Variants in PM20D2 observed in about 807,000 individuals in gnomAD.
PM20D2 encodes peptidase M20 domain containing 2, also known as xaa-Arg dipeptidase.
Under a neutral mutation model 42.9 loss-of-function variants are expected in PM20D2, and 33 were observed. That is an observed-to-expected ratio of 0.77 (90% CI 0.58 to 1.03). PM20D2 has a LOEUF of 1.03. Ranked by LOEUF, PM20D2 falls within the 50% of genes least tolerant of loss-of-function variation. PM20D2 has a pLI of 0.00. For missense variants in PM20D2, 548 were observed against 557.0 expected, an observed-to-expected ratio of 0.98 and a Z score of 0.16; for synonymous variants, 250 against 228.2, an observed-to-expected ratio of 1.10 and a Z score of -0.86.
chr6:89,123,335 G>A, the PM20D2 span, among the ~76,000 whole-genome samples: 267 of 152,064 alleles, frequency 1.8e-3, 1 homozygote, highest in African/African-American at 6.2e-3. Context: ...CCATAATGAT[G>A]TACTTCTTTA....
chr6:89,144,752 A>G (rs1353234020), upstream of PM20D2, among the ~76,000 whole-genome samples: 1 of 152,228 alleles, frequency 6.6e-6, no homozygotes, highest in Non-Finnish European at 1.5e-5. Flanking sequence ...CTAACTGAGC[A>G]GGATAATATT....
the PM20D2 span, among the ~76,000 whole-genome samples, chr6:89,132,898 T>C: frequency 6.6e-6 from 1 of 150,754 alleles, no homozygotes; most frequent in African/African-American, 2.5e-5. Context: ...TTTTAATCTT[T>C]TTTTTTAATT....
chr6:89,098,394 T>C, the PM20D2 span: 1 of 627,466 alleles, frequency 1.6e-6, no homozygotes, highest in Non-Finnish European at 2.5e-6. Context: ...TAATTTGTAG[T>C]GTGGGCCCTT....
chr6:89,134,095 G>T, the PM20D2 span, among the ~76,000 whole-genome samples: 257 of 151,280 alleles, frequency 1.7e-3, 16 homozygotes, highest in African/African-American at 5.6e-3. Flanking sequence ...GTGCTGTAGA[G>T]TTGCAGCCTC....
the PM20D2 span, among the ~76,000 whole-genome samples, chr6:89,118,871 T>C: frequency 1.3e-5 from 2 of 152,238 alleles, no homozygotes; most frequent in Admixed American, 1.3e-4. Flanking sequence ...TTAAGCAAAA[T>C]TTAAATTACC....
chr6:89,139,682 C>T, the PM20D2 span, among the ~76,000 whole-genome samples: 7 of 152,014 alleles, frequency 4.6e-5, no homozygotes, highest in East Asian at 5.8e-4. Flanking sequence ...CACTCTGGCC[C>T]GCGTGGCAGA....
At chr6:89,161,967 T>C in intron 6 of PM20D2, 77 bp downstream of exon 6, 1 of 1,492,198 alleles carries the variant, frequency 6.7e-7, no homozygotes, top group Non-Finnish European at 9.3e-7. Flanking sequence ...TTTAACCTAC[T>C]ATTTCACTAC....
the PM20D2 span, among the ~76,000 whole-genome samples, chr6:89,114,812 T>G: frequency 3.3e-5 from 5 of 152,248 alleles, no homozygotes; most frequent in Admixed American, 1.3e-4. Context: ...TTTTTTAGTT[T>G]TTGAGACAGA....
At chr6:89,159,011 G>A (rs895682955) in intron 5 of PM20D2, among the ~76,000 whole-genome samples, 10 of 152,154 alleles carry the variant, frequency 6.6e-5, no homozygotes, top group Non-Finnish European at 1.0e-4. Flanking sequence ...AAAATGGGGT[G>A]TCGGTGTCAT....
intron 2 of PM20D2, among the ~76,000 whole-genome samples, chr6:89,150,307 T>C (rs908171117): frequency 2.6e-5 from 4 of 152,230 alleles, no homozygotes; most frequent in Non-Finnish European, 4.4e-5. Flanking sequence ...GAACTTTGGT[T>C]TCAAGGGTGG....
chr6:89,157,872 TG>T (rs531080947), intron 4 of PM20D2, among the ~76,000 whole-genome samples: 1,619 of 152,294 alleles, frequency 0.011, 24 homozygotes, highest in African/African-American at 0.037. Context: ...CTGGGCTTGG[TG>T]GCAGGCGCCT....
chr6:89,123,297 C>A, the PM20D2 span, among the ~76,000 whole-genome samples: 1 of 152,146 alleles, frequency 6.6e-6, no homozygotes, highest in Admixed American at 6.6e-5. Flanking sequence ...AAACTTAAGT[C>A]GTTTTCATCC....
At chr6:89,119,447 A>G in the PM20D2 span, among the ~76,000 whole-genome samples, 3 of 152,208 alleles carry the variant, frequency 2.0e-5, no homozygotes, top group African/African-American at 4.8e-5. Flanking sequence ...TTGAGGCAAT[A>G]TAGTAAATGA....
chr6:89,148,984 A>AT (rs200473144), intron 1 of PM20D2, among the ~76,000 whole-genome samples: 87 of 151,738 alleles, frequency 5.7e-4, no homozygotes, highest in East Asian at 1.4e-3. Flanking sequence ...AACTTGTAGT[A>AT]TTTTTTTTTA....
the PM20D2 span, among the ~76,000 whole-genome samples, chr6:89,129,522 A>G: frequency 6.6e-6 from 1 of 151,778 alleles, no homozygotes; most frequent in Non-Finnish European, 1.5e-5. Context: ...TAAATTACTC[A>G]GTTTCAGGTA....
the PM20D2 span, among the ~76,000 whole-genome samples, chr6:89,120,594 G>T: frequency 2.6e-5 from 4 of 152,182 alleles, 1 homozygote; most frequent in Admixed American, 2.6e-4. Context: ...GCCAGGCGTG[G>T]TGACTCATGC....
At chr6:89,126,629 C>T in the PM20D2 span, among the ~76,000 whole-genome samples, 1 of 146,214 alleles carries the variant, frequency 6.8e-6, no homozygotes, top group African/African-American at 2.6e-5. Context: ...GAGATTGCGC[C>T]ACTGCACTCC....
At chr6:89,155,841 A>T (rs1771029730) in intron 4 of PM20D2, among the ~76,000 whole-genome samples, 1 of 150,552 alleles carries the variant, frequency 6.6e-6, no homozygotes, top group African/African-American at 2.4e-5. Flanking sequence ...CCTTCCAAGT[A>T]GCTGGGACTA....
At chr6:89,133,305 A>C in the PM20D2 span, among the ~76,000 whole-genome samples, 1 of 151,256 alleles carries the variant, frequency 6.6e-6, no homozygotes, top group Non-Finnish European at 1.5e-5. Flanking sequence ...GACATTCGAT[A>C]AAACTTTAGC....
Sources: allele counts gnomAD v4.1 joint callset (sites outside exome capture counted in the v4.1 genomes callset), GRCh38; gene constraint gnomAD v4.1.1; transcripts MANE v1.5; gene names NCBI Gene and HGNC (gene_info 2026-07-23, HGNC 2026-07-21).